COL5A2: variants seen among roughly 807,000 people sequenced by gnomAD.
COL5A2 encodes collagen alpha-2(V) chain.
COL5A2 carries 23 observed loss-of-function variants against 208.2 expected under a neutral mutation model. That is an observed-to-expected ratio of 0.11 (90% confidence interval 0.08 to 0.16). The LOEUF (loss-of-function observed/expected upper bound fraction) is 0.16, where lower values mean the gene tolerates loss of function less well. Among genes scored for constraint, COL5A2 ranks in the 10% least tolerant of loss-of-function variants. The pLI is 1.00. For synonymous variants in COL5A2, 625 were observed against 628.5 expected (o/e 0.99, Z 0.08); for missense variants, 1,590 against 1,956.4 (o/e 0.81, Z 3.53).
At chr2:189,197,675 C>CAA (rs201395258) in intron 1 of COL5A2, among the ~76,000 whole-genome samples, 1 of 142,184 alleles carries the variant, frequency 7.0e-6, no homozygotes, top group African/African-American at 2.6e-5. Flanking sequence ...ATTCAAATGA[C>CAA]AAAAAAAAAA....
the COL5A2 span, among the ~76,000 whole-genome samples, chr2:189,369,803 T>C: frequency 6.6e-6 from 1 of 152,162 alleles, no homozygotes; most frequent in Non-Finnish European, 1.5e-5. Context: ...TTTCCAACAA[T>C]GGTTGGTTGG....
intron 18 of COL5A2, among the ~76,000 whole-genome samples, chr2:189,071,268 A>G (rs929195253): frequency 6.6e-6 from 1 of 152,220 alleles, no homozygotes; most frequent in South Asian, 2.1e-4. Flanking sequence ...AATCTTGTGC[A>G]TAATCTCTTC....
intron 52 of COL5A2, among the ~76,000 whole-genome samples, chr2:189,036,161 C>T (rs952584255): frequency 2.6e-5 from 4 of 151,910 alleles, no homozygotes; most frequent in African/African-American, 4.8e-5. Flanking sequence ...ATATTATCAC[C>T]CTTACTTTAA....
chr2:189,324,285 C>T, the COL5A2 span, among the ~76,000 whole-genome samples: 1 of 152,158 alleles, frequency 6.6e-6, no homozygotes, highest in Non-Finnish European at 1.5e-5. Flanking sequence ...ACACCAAAAG[C>T]AATGGCAACA....
chr2:189,320,004 C>G, the COL5A2 span, among the ~76,000 whole-genome samples: 2 of 152,210 alleles, frequency 1.3e-5, no homozygotes, highest in East Asian at 3.8e-4. Flanking sequence ...ATTTGCTGTT[C>G]AGCAATATTC....
At chr2:189,253,172 C>T in the COL5A2 span, among the ~76,000 whole-genome samples, 66 of 152,070 alleles carry the variant, frequency 4.3e-4, no homozygotes, top group Non-Finnish European at 8.4e-4. Context: ...GCTCATGGCA[C>T]GAAGGACCTT....
chr2:189,034,857 T>C, intron 53 of COL5A2, 59 bp downstream of exon 53: 1 of 1,609,206 alleles, frequency 6.2e-7, no homozygotes, highest in Non-Finnish European at 8.5e-7. Context: ...GTAATAGTAT[T>C]TTTAACAAAA....
chr2:189,146,277 C>G (rs1056597570), intron 1 of COL5A2, among the ~76,000 whole-genome samples: 1 of 152,134 alleles, frequency 6.6e-6, no homozygotes, highest in East Asian at 1.9e-4. Context: ...AAAATATGAA[C>G]CTTACTTATT....
In COL5A2 at chr2:189,194,835, T is replaced by G. The variant is rs139575805; in HGVS notation, c.-42+30313A>C. On this transcript the variant is annotated intron_variant, in intron 1 of 10. Coordinates refer to the COL5A2 transcript ENST00000649966. ...GATGTTGAATTCTGACGAAGGCCTT[T>G]TCTGCATCTATTGAGATGATCATGT... is the stretch of plus-strand genomic sequence containing the variant. 2.6e-5 allele frequency among the ~76,000 whole-genome samples: 4 copies of G among 152,284 alleles called. No individual in the cohort carries two copies. The East Asian group carries it at 7.7e-4, about 29-fold the overall frequency.
the COL5A2 span, among the ~76,000 whole-genome samples, chr2:189,395,630 A>G: frequency 2.6e-5 from 4 of 152,086 alleles, no homozygotes; most frequent in African/African-American, 9.7e-5. Flanking sequence ...GTGGCTGGGC[A>G]TGGTGGCTCA....
At chr2:189,151,642 G>A (rs535528922) in intron 1 of COL5A2, among the ~76,000 whole-genome samples, 9 of 152,106 alleles carry the variant, frequency 5.9e-5, no homozygotes, top group Admixed American at 4.6e-4. Flanking sequence ...TATAAGCAAG[G>A]CCATAAAAAC....
the COL5A2 span, among the ~76,000 whole-genome samples, chr2:189,371,652 G>A: frequency 6.6e-6 from 1 of 152,132 alleles, no homozygotes; most frequent in African/African-American, 2.4e-5. Context: ...GATGACTTGG[G>A]GTATCTGGCG....
chr2:189,246,470 A>G, the COL5A2 span, among the ~76,000 whole-genome samples: 2 of 152,354 alleles, frequency 1.3e-5, no homozygotes, highest in South Asian at 4.1e-4. Context: ...GTCTGAGAAT[A>G]AAAACTATCC....
chr2:189,396,546 C>A, the COL5A2 span, among the ~76,000 whole-genome samples: 145 of 151,712 alleles, frequency 9.6e-4, 2 homozygotes, highest in African/African-American at 3.2e-3. Flanking sequence ...TGGTGGTGGG[C>A]CCCTATAGTC....
the COL5A2 span, among the ~76,000 whole-genome samples, chr2:189,279,306 T>A: frequency 6.7e-6 from 1 of 149,956 alleles, no homozygotes; most frequent in African/African-American, 2.4e-5. Context: ...AAAGTGAGAG[T>A]AAAAAAAAGA....
At chr2:189,167,471 T>C (rs930945785) in intron 1 of COL5A2, among the ~76,000 whole-genome samples, 2 of 152,122 alleles carry the variant, frequency 1.3e-5, no homozygotes, top group Admixed American at 6.5e-5. Context: ...CTAAGTACTG[T>C]ATAAGGAAAT....
At chr2:189,379,363 T>C in the COL5A2 span, among the ~76,000 whole-genome samples, 1 of 152,232 alleles carries the variant, frequency 6.6e-6, no homozygotes, top group South Asian at 2.1e-4. Flanking sequence ...TTTCTCATGC[T>C]AAAAGTATAC....
rs1685377230 is a variant in COL5A2, at chr2:189,033,467, A to G, written c.*603T>C. On this transcript the variant is annotated 3_prime_UTR_variant, in exon 54 of 54. Coordinates refer to ENST00000374866, the MANE Select transcript of COL5A2 (RefSeq NM_000393.5). ...ATACTATTTAAAAATTCTATTTAAG[A>G]CAGTGAGAAACGTTTTTTTTTTTTT... is the stretch of plus-strand genomic sequence containing the variant. The G allele has an allele frequency of 6.5e-6, 1 of 152,850 alleles. No homozygotes were observed. The allele number at this position is 152,850 out of a possible 1,614,324, so 9.5% of individuals were successfully genotyped here.
the COL5A2 span, among the ~76,000 whole-genome samples, chr2:189,337,221 C>A: frequency 7.0e-6 from 1 of 142,508 alleles, no homozygotes; most frequent in African/African-American, 2.6e-5. Context: ...CTCGCTCTGT[C>A]GCCCAGGCTG....
Sources: gnomAD v4.1 joint callset for allele counts (sites outside exome capture counted in the v4.1 genomes callset) on GRCh38, gnomAD v4.1.1 for gene constraint, MANE v1.5 for transcripts, NCBI Gene and HGNC (gene_info 2026-07-23, HGNC 2026-07-21) for gene names.